The following ZAR1L variants were observed in gnomAD, a reference collection of about 807,000 sequenced individuals.
ZAR1L encodes the protein zygote arrest 1 like, also known as protein ZAR1-like.
Under a neutral mutation model 30.0 loss-of-function variants are expected in ZAR1L, and 16 were observed. That is an observed-to-expected ratio of 0.53 (90% confidence interval 0.36 to 0.81). The LOEUF (loss-of-function observed/expected upper bound fraction) is 0.81. Ranked by LOEUF, ZAR1L falls within the 30% of genes least tolerant of loss-of-function variation. The pLI is 0.00. For synonymous variants in ZAR1L, 197 were observed against 166.8 expected, an observed-to-expected ratio of 1.18 and a Z score of -1.40; for missense variants, 392 against 417.2, an observed-to-expected ratio of 0.94 and a Z score of 0.53.
chr13:32,309,642 A>C (rs12858289), intron 4 of ZAR1L, among the ~76,000 whole-genome samples: 28,029 of 152,158 alleles, frequency 0.18, 2,948 homozygotes, highest in East Asian at 0.35. Flanking sequence ...CTATCTCTGC[A>C]CTGCTTCCAT....
At chr13:32,309,507 C>A (rs1490456108) in intron 4 of ZAR1L, among the ~76,000 whole-genome samples, 1 of 152,164 alleles carries the variant, frequency 6.6e-6, no homozygotes, top group African/African-American at 2.4e-5. Context: ...AGGCTTTGTG[C>A]AATTTCCTGT....
Position 32,311,290 on chromosome 13 carries a change from G to C in ZAR1L, c.636C>G (p.Leu212=). The change falls in exon 3 of 6, where the codon CTC becomes CTG. Residue 212 remains leucine, a synonymous_variant. Coordinates refer to ENST00000533490, the MANE Select transcript of ZAR1L (RefSeq NM_001136571.2). ...QVPGDAASEP[L]RRPNFQFLEP... is the part of the protein sequence containing the mutation. ...GATCTACCTGGAAGTTGGGCCTCCG[G>C]AGCGGCTCGGAGGCGGCGTCTCCAG... The C allele has an allele frequency of 6.5e-7, 1 of 1,548,748 alleles. No homozygotes were observed. The highest frequency in any genetic ancestry group is 8.7e-7 in the Non-Finnish European group (1 of 1,145,906).
intron 5 of ZAR1L, among the ~76,000 whole-genome samples, chr13:32,305,921 T>C (rs529750451): frequency 1.5e-3 from 227 of 152,320 alleles, no homozygotes; most frequent in Non-Finnish European, 2.5e-3. Context: ...CAGAACAACA[T>C]ACTTGAAAGC....
At chr13:32,306,502 A>G (rs1340437416) in intron 5 of ZAR1L, among the ~76,000 whole-genome samples, 1 of 152,238 alleles carries the variant, frequency 6.6e-6, no homozygotes, top group Non-Finnish European at 1.5e-5. Context: ...GGGGAAAGAG[A>G]AGAGATTACT....
chr13:32,309,115 T>C (rs746113329), intron 4 of ZAR1L, among the ~76,000 whole-genome samples: 1 of 151,752 alleles, frequency 6.6e-6, no homozygotes, highest in Admixed American at 6.6e-5. Context: ...CTCAGCCTCC[T>C]GAGTTGCTGG....
In ZAR1L at chr13:32,308,708, C is replaced by T. The variant is rs1004831350; in HGVS notation, c.800G>A (p.Arg267Gln). 39 of 1,550,846 alleles carry T rather than the reference C, an allele frequency of 2.5e-5. No homozygotes were observed. Among genetic ancestry groups the T allele is most frequent in the East Asian group, 2.0e-4 (8 of 40,864 alleles). Residue 267 changes from arginine (R) to glutamine (Q), a missense_variant, in exon 5 of 6, where the codon CGA becomes CAA. Transcript: ENST00000533490. ...CACCTGACATTGGATTGCTTCTACTCGATAAGGGTTAAAACTCTTTTGGCA... is the reference window on the plus strand; with the variant it reads ...CACCTGACATTGGATTGCTTCTACTTGATAAGGGTTAAAACTCTTTTGGCA... ...CKCQKSFNPY[R>Q]VEAIQCQTCS...
At chr13:32,305,128 A>G (rs1210234003) in intron 5 of ZAR1L, among the ~76,000 whole-genome samples, 1 of 151,952 alleles carries the variant, frequency 6.6e-6, no homozygotes, top group Non-Finnish European at 1.5e-5. Flanking sequence ...ACCTTTCTAT[A>G]TTGTGAAAAT....
chr13:32,311,515 G>A lies in ZAR1L; in HGVS notation c.411C>T (p.Thr137=), dbSNP rs1402747634. 9.1e-6 allele frequency: 14 copies of A among 1,538,076 alleles called. 1 individual carries two copies. The Admixed American group carries it at 2.2e-4, about 24-fold the overall frequency. The part of the protein sequence containing the change: ...LPACGVTSPA[T]GRRGLIRLRR... ...GCAGGCGGATCAAGCCCCTGCGGCC[G>A]GTGGCGGGCGAAGTGACCCCACAGG... The change falls in exon 3 of 6, where the codon ACC becomes ACT. Residue 137 remains threonine, a synonymous_variant. Coordinates refer to ENST00000533490, the MANE Select transcript of ZAR1L (RefSeq NM_001136571.2).
In ZAR1L at chr13:32,303,973, T is replaced by C. The variant is rs1345806148; in HGVS notation, c.872A>G (p.Asp291Gly). 6.4e-7 allele frequency: 1 copy of C among 1,552,142 alleles called. No homozygotes were observed. The highest frequency in any genetic ancestry group is 2.0e-5 in the Admixed American group (1 of 51,004). The change falls in exon 6 of 6, where the codon GAT (aspartate) becomes GGT (glycine). Residue 291 changes from aspartate to glycine, a missense_variant. By Grantham distance (94) the Asp-to-Gly change is moderately conservative. Transcript: ENST00000533490. The part of the protein sequence containing the change: ...CSCPQKKRHI[D>G]LRRPHRQELC... The stretch of plus-strand genomic sequence containing the variant: ...TTCCTGTCGATGAGGCCTCCTTAGA[T>C]CAATGTGTCTCTTCTTTTGAGGACA...
intron 4 of ZAR1L, among the ~76,000 whole-genome samples, chr13:32,309,892 C>T (rs1171451550): frequency 2.0e-5 from 3 of 152,256 alleles, no homozygotes; most frequent in Non-Finnish European, 4.4e-5. Context: ...ATCAAGTTTT[C>T]ATCCGGAACT....
At chr13:32,304,549 G>A (rs2072160345) in intron 5 of ZAR1L, among the ~76,000 whole-genome samples, 2 of 152,190 alleles carry the variant, frequency 1.3e-5, no homozygotes, top group South Asian at 4.1e-4. Context: ...GGCAATGTCT[G>A]AATATATTTT....
intron 3 of ZAR1L, 78 bp downstream of exon 3, chr13:32,311,194 C>T: frequency 4.9e-6 from 7 of 1,433,770 alleles, no homozygotes; most frequent in African/African-American, 1.4e-5. Context: ...AGATTTTGCT[C>T]TTATTGCCCC....
chr13:32,315,217 AAAAG>A (rs1458311977), intron 1 of ZAR1L, 94 bp downstream of exon 1: 1 of 152,552 alleles, frequency 6.6e-6, no homozygotes, highest in Admixed American at 6.5e-5. Context: ...AGCTGGAGCA[AAAAG>A]AAAGGGATGG....
At chr13:32,313,838 T>G (rs776864762) in intron 2 of ZAR1L, among the ~76,000 whole-genome samples, 20 of 152,162 alleles carry the variant, frequency 1.3e-4, no homozygotes, top group Non-Finnish European at 2.5e-4. Context: ...GGGGGCTGTA[T>G]AAAATGACAG....
chr13:32,306,902 G>A (rs954768166), intron 5 of ZAR1L, among the ~76,000 whole-genome samples: 7 of 130,002 alleles, frequency 5.4e-5, no homozygotes, highest in Non-Finnish European at 7.7e-5. Flanking sequence ...CTGCACTCCA[G>A]CCTGGGCAAT....
intron 5 of ZAR1L, among the ~76,000 whole-genome samples, chr13:32,308,176 C>CA (rs756153584): frequency 1.3e-5 from 2 of 152,112 alleles, no homozygotes; most frequent in Non-Finnish European, 2.9e-5. Flanking sequence ...ATATCAATTA[C>CA]AAAAAGCAAG....
Position 32,311,835 on chromosome 13 carries a change from G to A in ZAR1L, c.91C>T (p.Gln31Ter), listed in dbSNP as rs1593876653. 6.4e-7 allele frequency: 1 copy of A among 1,551,590 alleles called. No homozygotes were observed. Among genetic ancestry groups the A allele is most frequent in the Non-Finnish European group, 8.7e-7 (1 of 1,147,018 alleles). ...LGQPGLSGHK[Q>*]PDWRQNMGPP... ...CCCATATTTTGCCTCCAGTCGGGCTGTTTGTGCCCTGAGAGTCCAGGCTGG... is the reference window on the plus strand; with the variant it reads ...CCCATATTTTGCCTCCAGTCGGGCTATTTGTGCCCTGAGAGTCCAGGCTGG... Residue 31 changes from glutamine to a stop codon, truncating the protein, a stop_gained, in exon 3 of 6, where the codon CAG (glutamine) becomes TAG (stop). Transcript: ENST00000533490. LOFTEE classifies it high-confidence loss of function.
intron 5 of ZAR1L, among the ~76,000 whole-genome samples, chr13:32,306,539 T>C (rs2072176477): frequency 6.6e-6 from 1 of 152,168 alleles, no homozygotes; most frequent in South Asian, 2.1e-4. Flanking sequence ...AAGAGCTATA[T>C]TGTTTCATAG....
At chr13:32,311,197 A>G in intron 3 of ZAR1L, 75 bp downstream of exon 3, 2 of 1,437,242 alleles carry the variant, frequency 1.4e-6, no homozygotes, top group South Asian at 1.5e-5. Context: ...TTTTGCTCTT[A>G]TTGCCCCCAT....
Sources: allele counts gnomAD v4.1 joint callset (sites outside exome capture counted in the v4.1 genomes callset), GRCh38; gene constraint gnomAD v4.1.1; transcripts MANE v1.5; gene names NCBI Gene and HGNC (gene_info 2026-07-23, HGNC 2026-07-21).